The following ARB2A variants were observed in gnomAD, a reference collection of about 807,000 sequenced individuals.
ARB2A encodes ARB2 cotranscriptional regulator A.
the ARB2A span, among the ~76,000 whole-genome samples, chr5:93,996,833 A>C: frequency 6.6e-6 from 1 of 152,146 alleles, no homozygotes; most frequent in Admixed American, 6.6e-5. Flanking sequence ...ACAATTCTTA[A>C]TCTTCTACTG....
chr5:93,748,769 A>T, the ARB2A span, among the ~76,000 whole-genome samples: 1 of 152,100 alleles, frequency 6.6e-6, no homozygotes, highest in African/African-American at 2.4e-5. Flanking sequence ...AAGAAAAAAT[A>T]ATAAAACTAA....
the ARB2A span, among the ~76,000 whole-genome samples, chr5:94,067,583 A>T: frequency 6.6e-6 from 1 of 152,182 alleles, no homozygotes; most frequent in African/African-American, 2.4e-5. Flanking sequence ...CATTTACAAC[A>T]GCTATAAGAA....
chr5:93,824,081 A>C, the ARB2A span: 1 of 1,343,044 alleles, frequency 7.4e-7, no homozygotes, highest in Non-Finnish European at 9.8e-7. Context: ...TGATACCAAC[A>C]GAAAGAAAGG....
chr5:93,726,180 G>A, the ARB2A span, among the ~76,000 whole-genome samples: 1 of 151,990 alleles, frequency 6.6e-6, no homozygotes. Flanking sequence ...AGATCTAATT[G>A]TGGCCTGTAT....
the ARB2A span, among the ~76,000 whole-genome samples, chr5:93,999,079 T>G: frequency 6.6e-6 from 1 of 152,084 alleles, no homozygotes; most frequent in Admixed American, 6.6e-5. Flanking sequence ...CAAATTTACT[T>G]CTGTTCATTT....
At chr5:93,727,842 T>A in the ARB2A span, among the ~76,000 whole-genome samples, 1 of 152,098 alleles carries the variant, frequency 6.6e-6, no homozygotes, top group Non-Finnish European at 1.5e-5. Flanking sequence ...GTCACTTGTA[T>A]TTAAAAACAA....
chr5:93,972,561 C>T, the ARB2A span, among the ~76,000 whole-genome samples: 1 of 152,072 alleles, frequency 6.6e-6, no homozygotes, highest in African/African-American at 2.4e-5. Flanking sequence ...AGTGTTTCAT[C>T]ATCTCTAAAT....
chr5:93,820,205 A>G, the ARB2A span, among the ~76,000 whole-genome samples: 5 of 152,248 alleles, frequency 3.3e-5, no homozygotes, highest in Admixed American at 6.5e-5. Flanking sequence ...CTAAGCAAAG[A>G]AATTTCCATT....
chr5:93,632,400 G>A, the ARB2A span, among the ~76,000 whole-genome samples: 7 of 152,192 alleles, frequency 4.6e-5, no homozygotes, highest in Non-Finnish European at 7.3e-5. Flanking sequence ...AGTTGTCATC[G>A]TTGAGGAACT....
At chr5:93,688,961 C>T in the ARB2A span, among the ~76,000 whole-genome samples, 1 of 152,208 alleles carries the variant, frequency 6.6e-6, no homozygotes, top group Non-Finnish European at 1.5e-5. Flanking sequence ...TTACCCTTAT[C>T]ACAGCTAGAC....
the ARB2A span, chr5:93,741,457 C>T: frequency 6.2e-7 from 1 of 1,613,536 alleles, no homozygotes; most frequent in South Asian, 1.1e-5. Context: ...CGCCTGGGTG[C>T]TCAACCAGGT....
At chr5:93,893,584 C>G in the ARB2A span, among the ~76,000 whole-genome samples, 1 of 152,100 alleles carries the variant, frequency 6.6e-6, no homozygotes, top group Non-Finnish European at 1.5e-5. Context: ...AACTATCATT[C>G]AGTTATTCAA....
the ARB2A span, chr5:93,784,439 C>G: frequency 6.2e-7 from 1 of 1,613,526 alleles, no homozygotes; most frequent in Non-Finnish European, 8.5e-7. Context: ...ACATTGTGAA[C>G]AGAGTCTGTC....
the ARB2A span, among the ~76,000 whole-genome samples, chr5:93,779,482 T>C: frequency 6.6e-6 from 1 of 152,072 alleles, no homozygotes; most frequent in Non-Finnish European, 1.5e-5. Flanking sequence ...GGCAGCCCAC[T>C]AGGAAAGCCC....
the ARB2A span, among the ~76,000 whole-genome samples, chr5:93,656,390 A>C: frequency 6.6e-6 from 1 of 152,330 alleles, no homozygotes; most frequent in Non-Finnish European, 1.5e-5. Flanking sequence ...CATTTGAGTG[A>C]AACGATCATA....
At chr5:93,682,830 T>G in the ARB2A span, 10 of 1,300,338 alleles carry the variant, frequency 7.7e-6, no homozygotes, top group Admixed American at 1.7e-5. Flanking sequence ...TTGTTTAAAC[T>G]ATTTTCTTAA....
chr5:93,632,546 A>T, the ARB2A span, among the ~76,000 whole-genome samples: 4 of 152,234 alleles, frequency 2.6e-5, no homozygotes, highest in Non-Finnish European at 4.4e-5. Context: ...TCATTGGAAG[A>T]TCTGTTTACA....
At chr5:94,039,466 T>G in the ARB2A span, among the ~76,000 whole-genome samples, 1 of 152,102 alleles carries the variant, frequency 6.6e-6, no homozygotes, top group Admixed American at 6.5e-5. Flanking sequence ...GTTTACCAAA[T>G]GCCATGGCAA....
At chr5:93,717,121 A>C in the ARB2A span, among the ~76,000 whole-genome samples, 1 of 152,192 alleles carries the variant, frequency 6.6e-6, no homozygotes, top group African/African-American at 2.4e-5. Flanking sequence ...CATATGTGAA[A>C]TATATGATGA....
Sources: gnomAD v4.1 joint callset for allele counts (sites outside exome capture counted in the v4.1 genomes callset) on GRCh38, gnomAD v4.1.1 for gene constraint, MANE v1.5 for transcripts, NCBI Gene and HGNC (gene_info 2026-07-23, HGNC 2026-07-21) for gene names.